Variants in AGBL4 observed in about 807,000 individuals in gnomAD.
The protein encoded by AGBL4 is AGBL carboxypeptidase 4.
In AGBL4, 58 loss-of-function variants were observed where a neutral mutation model predicts 66.4. That is an observed-to-expected ratio of 0.87 (90% confidence interval 0.71 to 1.09). AGBL4 has a LOEUF of 1.09. Among genes scored for constraint, AGBL4 ranks in the 50% least tolerant of loss-of-function variants. AGBL4 has a pLI of 0.00. For synonymous variants in AGBL4, 234 were observed against 222.9 expected, an observed-to-expected ratio of 1.05 and a Z score of -0.44; for missense variants, 579 against 631.0, an observed-to-expected ratio of 0.92 and a Z score of 0.88.
At chr1:49,630,641 G>A (rs896868578) in intron 3 of AGBL4, among the ~76,000 whole-genome samples, 1 of 151,998 alleles carries the variant, frequency 6.6e-6, no homozygotes, top group African/African-American at 2.4e-5. Flanking sequence ...AATCACCCTC[G>A]AAACCCAATC....
At chr1:48,765,471 T>G (rs1365792810) in intron 6 of AGBL4, among the ~76,000 whole-genome samples, 1 of 152,214 alleles carries the variant, frequency 6.6e-6, no homozygotes, top group Non-Finnish European at 1.5e-5. Context: ...CTGCTGGGTA[T>G]TGTAGAATGG....
intron 1 of AGBL4, among the ~76,000 whole-genome samples, chr1:49,914,083 T>C (rs755876606): frequency 1.3e-5 from 2 of 152,210 alleles, no homozygotes; most frequent in African/African-American, 4.8e-5. Flanking sequence ...TAGCAAAGTA[T>C]TTCCTGGCCA....
intron 6 of AGBL4, among the ~76,000 whole-genome samples, chr1:48,686,369 C>T (rs1450749435): frequency 2.6e-5 from 4 of 152,160 alleles, no homozygotes; most frequent in Non-Finnish European, 5.9e-5. Flanking sequence ...CTTTGTCTTG[C>T]TCAAGTTTGT....
intron 6 of AGBL4, among the ~76,000 whole-genome samples, chr1:48,676,734 T>C (rs1335727147): frequency 2.0e-5 from 3 of 152,132 alleles, no homozygotes; most frequent in Non-Finnish European, 4.4e-5. Flanking sequence ...GTGAGGCTAA[T>C]ACACTGGCAA....
At chr1:49,154,262 G>A (rs770036272) in intron 4 of AGBL4, among the ~76,000 whole-genome samples, 4 of 151,998 alleles carry the variant, frequency 2.6e-5, no homozygotes, top group Non-Finnish European at 5.9e-5. Context: ...TGGTCTCAGT[G>A]TCTTCTCCTG....
intron 7 of AGBL4, among the ~76,000 whole-genome samples, chr1:48,656,532 C>T (rs886613724): frequency 6.6e-6 from 1 of 152,156 alleles, no homozygotes; most frequent in Admixed American, 6.5e-5. Context: ...ATGGGAACAG[C>T]ACATAGCTGT....
intron 4 of AGBL4, among the ~76,000 whole-genome samples, chr1:49,089,141 CA>C (rs1187781477): frequency 6.6e-6 from 1 of 151,168 alleles, no homozygotes; most frequent in Non-Finnish European, 1.5e-5. Context: ...ATGCCCACAT[CA>C]AAAAGTTAGA....
chr1:48,691,504 T>C (rs1646631770), intron 6 of AGBL4, among the ~76,000 whole-genome samples: 1 of 152,152 alleles, frequency 6.6e-6, no homozygotes, highest in Non-Finnish European at 1.5e-5. Context: ...CAGATGGATG[T>C]AATGTCATGA....
chr1:49,530,259 T>TAAAAAAACAAAAAAAAAAAA (rs1650994550), intron 3 of AGBL4, among the ~76,000 whole-genome samples: 1 of 75,984 alleles, frequency 1.3e-5, no homozygotes, highest in Non-Finnish European at 2.4e-5. Context: ...GTAGAATTTG[T>TAAAAAAACAAAAAAAAAAAA]AAAAAAAAAA....
intron 2 of AGBL4, among the ~76,000 whole-genome samples, chr1:49,718,462 T>C (rs1256845090): frequency 6.6e-6 from 1 of 152,100 alleles, no homozygotes; most frequent in Non-Finnish European, 1.5e-5. Flanking sequence ...ATCTCATATA[T>C]TTATTTGCAG....
chr1:49,844,004 T>C (rs1280036703), intron 2 of AGBL4, among the ~76,000 whole-genome samples: 1 of 152,134 alleles, frequency 6.6e-6, no homozygotes, highest in East Asian at 1.9e-4. Context: ...AGAGATACAG[T>C]GGTGAGCAAG....
At chr1:49,944,008 G>A (rs1240522329) in intron 1 of AGBL4, among the ~76,000 whole-genome samples, 2 of 151,946 alleles carry the variant, frequency 1.3e-5, no homozygotes, top group Admixed American at 1.3e-4. Flanking sequence ...ATAGACCTGG[G>A]AACCCACACC....
intron 4 of AGBL4, among the ~76,000 whole-genome samples, chr1:49,093,815 T>A (rs1439273095): frequency 6.6e-6 from 1 of 152,184 alleles, no homozygotes; most frequent in Non-Finnish European, 1.5e-5. Context: ...CAATATACAA[T>A]TTGCCTCTAC....
rs535942416 is a variant in AGBL4 at position 49,822,510 on chromosome 1, G to C, written c.157+28886C>G. On this transcript the variant is annotated intron_variant, in intron 2 of 13. Transcript: ENST00000371839. ...CTGGCTAATTTTGTATTTTAGTAGA[G>C]ATGGGGTTTTGCTATGTCAGTCAGG... 1.9e-3 allele frequency among the ~76,000 whole-genome samples: 296 copies of C among 152,252 alleles called. 10 individuals are homozygous for C. The South Asian group carries it at 0.06, about 31-fold the overall frequency.
chr1:49,621,778 CCA>C (rs1344805055), intron 3 of AGBL4, among the ~76,000 whole-genome samples: 3 of 152,308 alleles, frequency 2.0e-5, no homozygotes, highest in Non-Finnish European at 4.4e-5. Context: ...GGCACATTAA[CCA>C]CTCCAAGGTA....
intron 6 of AGBL4, among the ~76,000 whole-genome samples, chr1:48,752,920 T>G (rs1651976664): frequency 6.6e-6 from 1 of 152,180 alleles, no homozygotes; most frequent in African/African-American, 2.4e-5. Flanking sequence ...CAGCTAATTT[T>G]TGTATTTTTA....
At chr1:49,541,502 G>T (rs868112131) in intron 3 of AGBL4, among the ~76,000 whole-genome samples, 2 of 152,224 alleles carry the variant, frequency 1.3e-5, no homozygotes, top group African/African-American at 4.8e-5. Flanking sequence ...GGGTGCACCA[G>T]GTCCCCCAGC....
At chr1:48,756,100 T>C (rs572551001) in intron 6 of AGBL4, among the ~76,000 whole-genome samples, 1 of 152,324 alleles carries the variant, frequency 6.6e-6, no homozygotes, top group Non-Finnish European at 1.5e-5. Context: ...TCAGGCACTA[T>C]GCGGTGTGTC....
intron 3 of AGBL4, among the ~76,000 whole-genome samples, chr1:49,497,783 T>C (rs1452422217): frequency 2.0e-5 from 3 of 152,020 alleles, no homozygotes; most frequent in African/African-American, 4.8e-5. Flanking sequence ...TTCATTACTA[T>C]AACACATTTT....
Sources: gnomAD v4.1 joint callset for allele counts (sites outside exome capture counted in the v4.1 genomes callset) on GRCh38, gnomAD v4.1.1 for gene constraint, MANE v1.5 for transcripts, NCBI Gene and HGNC (gene_info 2026-07-23, HGNC 2026-07-21) for gene names.